The following APPL1 variants were observed in gnomAD, a reference collection of about 807,000 sequenced individuals.
The protein encoded by APPL1 is adaptor protein, phosphotyrosine interacting with PH domain and leucine zipper 1, also known as DCC-interacting protein 13-alpha.
Under a neutral mutation model 106.8 loss-of-function variants are expected in APPL1, and 42 were observed. The ratio of observed to expected loss-of-function variants is 0.39; its 90% CI spans 0.31 to 0.51. The LOEUF (loss-of-function observed/expected upper bound fraction) is 0.51. APPL1 is among the 20% of genes least tolerant of loss of function. The pLI, the probability that APPL1 is intolerant of heterozygous loss-of-function variation, is 0.75. For synonymous variants in APPL1, 263 were observed against 281.8 expected (o/e 0.93, Z 0.67); for missense variants, 769 against 858.2 (o/e 0.90, Z 1.30).
At chr3:57,259,571 C>T (rs2060854558) in intron 16 of APPL1, among the ~76,000 whole-genome samples, 1 of 152,122 alleles carries the variant, frequency 6.6e-6, no homozygotes. Flanking sequence ...GCTAGGATTA[C>T]AGGTGTGAAC....
rs2060957788 is a variant in APPL1, at chr3:57,273,172, A to G, written c.*3485A>G. ...GACTGGGGGTTAAGTTGTAACTAAT[A>G]TGCAAAATTGCTTTGTATATTTGGT... On this transcript the variant is annotated 3_prime_UTR_variant, in exon 22 of 22. Transcript: ENST00000288266. 6.5e-6 allele frequency: 1 copy of G among 152,678 alleles called. No homozygotes were observed. The highest frequency in any genetic ancestry group is 6.5e-5 in the Admixed American group (1 of 15,294). The allele number at this position is 152,678 out of a possible 1,614,324, so 9.5% of individuals were successfully genotyped here. A position where few individuals can be genotyped will look rare whatever the true frequency, so the allele number is the denominator to read the frequency against.
chr3:57,257,878 A>C (rs1353700222), intron 15 of APPL1, among the ~76,000 whole-genome samples: 38 of 152,228 alleles, frequency 2.5e-4, no homozygotes, highest in Admixed American at 2.4e-3. Flanking sequence ...GTTTAGTTGT[A>C]TGATGAATAT....
rs2060792192 is a variant in APPL1 at position 57,249,526 on chromosome 3, A to G, written c.1030A>G (p.Ile344Val). ...DCEDRRYCFQ[I>V]TSFDGKKSSI... ...TGAAGACAGACGATATTGTTTTCAG[A>G]TCACCTCTTTCGATGGAAAAAAGTT... The change falls in exon 11 of 22, where the codon ATC becomes GTC. Residue 344 changes from isoleucine to valine, a missense_variant. By Grantham distance (29) the Ile-to-Val change is conservative. Coordinates refer to ENST00000288266, the MANE Select transcript of APPL1 (RefSeq NM_012096.3). The G allele has an allele frequency of 1.9e-6, 3 of 1,590,922 alleles. No individual in the cohort carries two copies. Among genetic ancestry groups the G allele is most frequent in the Admixed American group, 1.8e-5 (1 of 54,208 alleles).
Position 57,253,758 on chromosome 3 carries a change from T to A in APPL1, c.1152+20T>A. 1 of 1,397,438 alleles carries A rather than the reference T, an allele frequency of 7.2e-7. No individual in the cohort carries two copies. Among genetic ancestry groups the A allele is most frequent in the African/African-American group, 1.5e-5 (1 of 66,228 alleles). 86.6% of individuals were successfully genotyped at this position (1,397,438 alleles called of 1,614,324 possible). A position where few individuals can be genotyped will look rare whatever the true frequency, so the allele number is the denominator to read the frequency against. ...CCAGAGGTAATATTTTTATTTTATG[T>A]TACCCAGATCTAGCAAAATTGAGTA... On this transcript the variant is annotated intron_variant, in intron 13 of 21. Transcript: ENST00000288266.
In APPL1 at chr3:57,271,995, T is replaced by C. The variant is rs1187039236; in HGVS notation, c.*2308T>C. The C allele has an allele frequency of 6.6e-6, 1 of 152,228 alleles. No individual in the cohort carries two copies. Among genetic ancestry groups the C allele is most frequent in the Non-Finnish European group, 1.5e-5 (1 of 68,040 alleles). 9.4% of individuals were successfully genotyped at this position (152,228 alleles called of 1,614,324 possible). ...TAAAGGCTGCCCATGGGTTTCTGCCTAGTGGTAAAGCTGATTGTTACCCTC... is the reference window on the plus strand; with the variant it reads ...TAAAGGCTGCCCATGGGTTTCTGCCCAGTGGTAAAGCTGATTGTTACCCTC... On this transcript the variant is annotated 3_prime_UTR_variant, in exon 22 of 22. Coordinates refer to ENST00000288266, the MANE Select transcript of APPL1 (RefSeq NM_012096.3).
chr3:57,248,363 A>G lies in APPL1; in HGVS notation c.863+12A>G, dbSNP rs373849031. ...CTTAATGCTAGGAAGTAAGAAAACT[A>G]TTGTTATTTTTGTATATTGTGTATC... On this transcript the variant is annotated intron_variant, in intron 10 of 21. Coordinates refer to ENST00000288266, the MANE Select transcript of APPL1 (RefSeq NM_012096.3). The G allele has an allele frequency of 1.9e-6, 3 of 1,611,828 alleles. No homozygotes were observed. Among genetic ancestry groups the G allele is most frequent in the African/African-American group, 1.3e-5 (1 of 74,778 alleles).
rs1331493129 is a variant in APPL1, at chr3:57,272,964, C to T, written c.*3277C>T. On this transcript the variant is annotated 3_prime_UTR_variant, in exon 22 of 22. Transcript: ENST00000288266. ...TAGCATTCAGATTGTATTTTAAATACTTAAACACACCAATTGTAGAAAGCA... is the reference window on the plus strand; with the variant it reads ...TAGCATTCAGATTGTATTTTAAATATTTAAACACACCAATTGTAGAAAGCA... 1 of 152,566 alleles carries T rather than the reference C, an allele frequency of 6.6e-6. No homozygotes were observed. Among genetic ancestry groups the T allele is most frequent in the Non-Finnish European group, 1.5e-5 (1 of 68,038 alleles). The allele number at this position is 152,566 out of a possible 1,614,324, so 9.5% of individuals were successfully genotyped here.
chr3:57,253,777 T>C, intron 13 of APPL1, 39 bp downstream of exon 13: 1 of 1,361,406 alleles, frequency 7.3e-7, no homozygotes, highest in Non-Finnish European at 9.6e-7. Flanking sequence ...TCTAGCAAAA[T>C]TGAGTAATTT....
chr3:57,261,141 C>A (rs1487014156), intron 19 of APPL1, among the ~76,000 whole-genome samples: 1 of 152,088 alleles, frequency 6.6e-6, no homozygotes, highest in Non-Finnish European at 1.5e-5. Context: ...TCTCTGTTGT[C>A]TGTCATTCCA....
At chr3:57,234,526 C>T (rs560581874) in intron 1 of APPL1, among the ~76,000 whole-genome samples, 1 of 152,140 alleles carries the variant, frequency 6.6e-6, no homozygotes, top group African/African-American at 2.4e-5. Flanking sequence ...TCTCAATCTC[C>T]TGACCTCGTG....
chr3:57,252,182 T>A, intron 11 of APPL1, 87 bp from the exon 12 acceptor site: 1 of 1,105,060 alleles, frequency 9.0e-7, no homozygotes. Context: ...ATATATGCCT[T>A]TAACTTTAAA....
intron 17 of APPL1, 42 bp downstream of exon 17, chr3:57,260,061 T>C (rs769242470): frequency 1.9e-6 from 3 of 1,607,778 alleles, no homozygotes; most frequent in Admixed American, 1.7e-5. Flanking sequence ...AAAAAACATT[T>C]ACATGATTTC....
intron 15 of APPL1, among the ~76,000 whole-genome samples, chr3:57,258,158 CCTA>C (rs1422718281): frequency 6.6e-6 from 1 of 152,146 alleles, no homozygotes; most frequent in Non-Finnish European, 1.5e-5. Flanking sequence ...GCTTCCAAAA[CCTA>C]CTTTGTTTTG....
In APPL1 at chr3:57,227,796, C is replaced by A; in HGVS notation, c.-88C>A. 8.4e-7 allele frequency: 1 copy of A among 1,190,332 alleles called. No homozygotes were observed. The highest frequency in any genetic ancestry group is 1.1e-6 in the Non-Finnish European group (1 of 894,546). The allele number at this position is 1,190,332 out of a possible 1,614,324, so 73.7% of individuals were successfully genotyped here. ...CGGCTGCAGCCCTTGCCGGAGAGGG[C>A]GGGCCGGGGTCAGCTGCGGCGGGCG... is the stretch of plus-strand genomic sequence containing the variant. On this transcript the variant is annotated 5_prime_UTR_variant, in exon 1 of 22. Transcript: ENST00000288266.
At chr3:57,249,288 A>G in intron 10 of APPL1, 72 bp from the exon 11 acceptor site, 3 of 1,528,646 alleles carry the variant, frequency 2.0e-6, no homozygotes, top group South Asian at 1.2e-5. Context: ...AACATGCTTT[A>G]TCTTGTGTCT....
chr3:57,268,547 A>G (rs894526647), intron 21 of APPL1, 60 bp downstream of exon 21: 61 of 1,481,316 alleles, frequency 4.1e-5, no homozygotes, highest in Admixed American at 1.2e-4. Flanking sequence ...ATTCAGCACT[A>G]TGACTTTCAG....
At chr3:57,262,813 GGTGTGT>G (rs4060605) in intron 19 of APPL1, among the ~76,000 whole-genome samples, 60,133 of 142,424 alleles carry the variant, frequency 0.42, 12,811 homozygotes, top group East Asian at 0.69. Flanking sequence ...GGGTACAAGG[GGTGTGT>G]GTGTGTGTGT....
At chr3:57,236,412 T>A (rs1299189652) in intron 2 of APPL1, among the ~76,000 whole-genome samples, 1 of 149,358 alleles carries the variant, frequency 6.7e-6, no homozygotes, top group Non-Finnish European at 1.5e-5. Flanking sequence ...CACTGCACCC[T>A]CCACCTCCCA....
intron 1 of APPL1, among the ~76,000 whole-genome samples, chr3:57,229,381 T>G (rs1166474251): frequency 1.3e-5 from 2 of 152,140 alleles, no homozygotes; most frequent in African/African-American, 4.8e-5. Flanking sequence ...GATTGCACAC[T>G]GCCCTGGAAA....
Sources: allele counts gnomAD v4.1 joint callset (sites outside exome capture counted in the v4.1 genomes callset), GRCh38; gene constraint gnomAD v4.1.1; transcripts MANE v1.5; gene names NCBI Gene and HGNC (gene_info 2026-07-23, HGNC 2026-07-21).